SH3BP4: variants seen among roughly 807,000 people sequenced by gnomAD.
The protein encoded by SH3BP4 is SH3 domain binding protein 4.
In SH3BP4, 33 loss-of-function variants were observed where a neutral mutation model predicts 65.5. That is an observed-to-expected ratio of 0.50 (90% CI 0.38 to 0.67). SH3BP4 has a LOEUF of 0.67. Among genes scored for constraint, SH3BP4 ranks in the 30% least tolerant of loss-of-function variants. The probability of loss-of-function intolerance (pLI) is 0.00; values close to 1 mark genes in which losing one functional copy is unlikely to be tolerated. For missense variants in SH3BP4, 1,134 were observed against 1,261.4 expected (o/e 0.90, Z 1.53); for synonymous variants, 552 against 545.5 (o/e 1.01, Z -0.17).
At position 235,034,644 on chromosome 2, in the gene SH3BP4, A is replaced by AG. The variant is rs1056936296; in HGVS notation, c.-132-227_-132-226insG. On this transcript the variant is annotated intron_variant, in intron 2 of 5. Coordinates refer to ENST00000392011, the MANE Select transcript of SH3BP4 (RefSeq NM_014521.3). This position sits in a 1 kb window ranked among gnomAD's most constrained non-coding sequence, Gnocchi z 6.2. The stretch of plus-strand genomic sequence containing the variant: ...GCAGGTGCAAACAGCCGGCCAGAAA[A>AG]CACTGCTTGGGCTGTGTGTGCCCAG... Among the ~76,000 whole-genome samples the AG allele has an allele frequency of 2.0e-5, 3 of 152,174 alleles. No individual in the cohort carries two copies. The highest frequency in any genetic ancestry group is 2.9e-5 in the Non-Finnish European group (2 of 68,032).
At chr2:234,957,548 T>C (rs1002820078) in intron 1 of SH3BP4, among the ~76,000 whole-genome samples, 2 of 151,468 alleles carry the variant, frequency 1.3e-5, no homozygotes, top group African/African-American at 4.9e-5. Flanking sequence ...TGGGTACTAC[T>C]GAGTAACCGA....
chr2:235,034,506 C>A lies in SH3BP4; in HGVS notation c.-132-365C>A, dbSNP rs1695307988. Among the ~76,000 whole-genome samples the A allele has an allele frequency of 6.6e-6, 1 of 152,192 alleles. No individual in the cohort carries two copies. Among genetic ancestry groups the A allele is most frequent in the Non-Finnish European group, 1.5e-5 (1 of 68,044 alleles). On this transcript the variant is annotated intron_variant, in intron 2 of 5. Coordinates refer to ENST00000392011, the MANE Select transcript of SH3BP4 (RefSeq NM_014521.3). This position sits in a 1 kb window ranked among gnomAD's most constrained non-coding sequence, Gnocchi z 6.2. ...CCGATTTTTCCTTTTCCGAGCCCTG[C>A]AGCTAGCAGCATGAACTGTACAGTC...
intron 5 of SH3BP4, among the ~76,000 whole-genome samples, chr2:235,053,370 C>T (rs28403581): frequency 0.13 from 20,513 of 152,174 alleles, 1,644 homozygotes; most frequent in East Asian, 0.38. Context: ...TCATTTGTTG[C>T]GCACCTACTC....
chr2:235,004,751 G>A (rs750562640), intron 2 of SH3BP4, among the ~76,000 whole-genome samples: 1 of 152,208 alleles, frequency 6.6e-6, no homozygotes, highest in Admixed American at 6.5e-5. Flanking sequence ...GTATGGCTAT[G>A]TTACATTTTG....
rs1056153105 is a variant in SH3BP4, at chr2:235,042,182, T to C, written c.1413T>C (p.Asn471=). The C allele has an allele frequency of 6.2e-7, 1 of 1,614,030 alleles. No homozygotes were observed. The highest frequency in any genetic ancestry group is 2.2e-5 in the East Asian group (1 of 44,858). The stretch of plus-strand genomic sequence containing the variant: ...CTTCCACCGTGTGGGACTTCATCAA[T>C]AAAAAAGTCACAGTGGGTCTCTACG... The part of the protein sequence containing the change: ...LYPSTVWDFI[N]KKVTVGLYGP... Residue 471 remains asparagine (N), a synonymous_variant, in exon 4 of 6, where the codon AAT becomes AAC. Coordinates refer to ENST00000392011, the MANE Select transcript of SH3BP4 (RefSeq NM_014521.3). This position sits in a 1 kb window ranked among gnomAD's most constrained non-coding sequence, Gnocchi z 7.3.
At chr2:235,008,420 A>T (rs2106292320) in intron 2 of SH3BP4, 1 of 152,344 alleles carries the variant, frequency 6.6e-6, no homozygotes, top group Non-Finnish European at 1.5e-5. Flanking sequence ...CTACTCAGGA[A>T]CCATGGCGAA....
chr2:235,043,340 G>C (rs982533134), intron 4 of SH3BP4, 93 bp downstream of exon 4: 2 of 980,976 alleles, frequency 2.0e-6, no homozygotes, highest in Non-Finnish European at 3.0e-6. Context: ...CCGTGGTGTC[G>C]TAAGTCACCA....
In SH3BP4 at chr2:235,041,391, G is replaced by C; in HGVS notation, c.622G>C (p.Ala208Pro). 6.2e-7 allele frequency: 1 copy of C among 1,614,180 alleles called. No individual in the cohort carries two copies. ...ATCCTCCTTCACCGAATCCAGCTCA[G>C]CCACCACGAATAGCACTGGCAACAT... Reference protein sequence around the residue: ...GTSSFTESSSATTNSTGNIFD... With the variant: ...GTSSFTESSSPTTNSTGNIFD... Residue 208 changes from alanine (A) to proline (P), a missense_variant, in exon 4 of 6, where the codon GCC (alanine) becomes CCC (proline). By Grantham distance (27) the Ala-to-Pro change is conservative. Coordinates refer to ENST00000392011, the MANE Select transcript of SH3BP4 (RefSeq NM_014521.3). This position sits in a 1 kb window ranked among gnomAD's most constrained non-coding sequence, Gnocchi z 6.0.
intron 1 of SH3BP4, among the ~76,000 whole-genome samples, chr2:234,955,166 C>T (rs987624737): frequency 1.3e-5 from 2 of 152,128 alleles, no homozygotes; most frequent in Non-Finnish European, 2.9e-5. Flanking sequence ...GCCTGACAAC[C>T]AGGAATCCGA....
At chr2:234,953,447 C>G (rs1293817533) in intron 1 of SH3BP4, among the ~76,000 whole-genome samples, 3 of 152,154 alleles carry the variant, frequency 2.0e-5, no homozygotes, top group Non-Finnish European at 4.4e-5. Flanking sequence ...CCTACCCGGG[C>G]AGAATCTCTG....
At chr2:234,966,776 A>G (rs1391715011) in intron 1 of SH3BP4, among the ~76,000 whole-genome samples, 1 of 152,230 alleles carries the variant, frequency 6.6e-6, no homozygotes, top group African/African-American at 2.4e-5. Context: ...AACTTTGGAA[A>G]TAGTTATTTT....
At position 235,026,174 on chromosome 2, in the gene SH3BP4, G is replaced by A. The variant is rs564535716; in HGVS notation, c.-132-8697G>A. 6.6e-6 allele frequency among the ~76,000 whole-genome samples: 1 copy of A among 152,188 alleles called. No individual in the cohort carries two copies. Among genetic ancestry groups the A allele is most frequent in the South Asian group, 2.1e-4 (1 of 4,810 alleles). ...GGAGGCAGGAAAGGGAGGAGGCCAGGTAAGAAGCTCAGGCCTTGAAGAGGG... is the reference window on the plus strand; with the variant it reads ...GGAGGCAGGAAAGGGAGGAGGCCAGATAAGAAGCTCAGGCCTTGAAGAGGG... On this transcript the variant is annotated intron_variant, in intron 2 of 5. Coordinates refer to ENST00000392011, the MANE Select transcript of SH3BP4 (RefSeq NM_014521.3). The surrounding 1 kb of genome is among the most constrained non-coding windows in gnomAD (Gnocchi z 4.6).
chr2:235,027,354 G>T (rs1207659748), intron 2 of SH3BP4, among the ~76,000 whole-genome samples: 1 of 140,920 alleles, frequency 7.1e-6, no homozygotes, highest in Non-Finnish European at 1.6e-5. Context: ...CCCACCCCAG[G>T]CCCCGAAGGC....
At chr2:235,024,602 A>C (rs1033349225) in intron 2 of SH3BP4, among the ~76,000 whole-genome samples, 23 of 152,142 alleles carry the variant, frequency 1.5e-4, no homozygotes, top group Non-Finnish European at 1.8e-4. Flanking sequence ...CATTTTCATC[A>C]GGGAAAGCCC....
In SH3BP4 at chr2:235,054,011, C is replaced by CTG; in HGVS notation, c.*196_*197insGT. On this transcript the variant is annotated 3_prime_UTR_variant, in exon 6 of 6. Coordinates refer to ENST00000392011, the MANE Select transcript of SH3BP4 (RefSeq NM_014521.3). ...GGCCTGAAGGGACTGCCTACTGCAG[C>CTG]TCGTTGCCAATCACATAGCTTTCTA... The CTG allele has an allele frequency of 1.8e-6, 1 of 543,242 alleles. No individual in the cohort carries two copies. The highest frequency in any genetic ancestry group is 3.3e-6 in the Non-Finnish European group (1 of 305,018). The allele number at this position is 543,242 out of a possible 1,614,324, so 33.7% of individuals were successfully genotyped here. A position where few individuals can be genotyped will look rare whatever the true frequency, so the allele number is the denominator to read the frequency against.
chr2:235,020,574 C>G (rs1036205999), intron 2 of SH3BP4, among the ~76,000 whole-genome samples: 1 of 152,120 alleles, frequency 6.6e-6, no homozygotes, highest in Non-Finnish European at 1.5e-5. Flanking sequence ...GAAAAGGAGA[C>G]GGCATTCATG....
chr2:234,957,757 G>T (rs565592024), intron 1 of SH3BP4, among the ~76,000 whole-genome samples: 35 of 152,112 alleles, frequency 2.3e-4, no homozygotes, highest in African/African-American at 8.4e-4. Context: ...CCAGGGATGT[G>T]GTGATGAATT....
intron 2 of SH3BP4, among the ~76,000 whole-genome samples, chr2:235,015,942 G>A (rs1383332690): frequency 3.3e-5 from 5 of 152,064 alleles, no homozygotes; most frequent in Non-Finnish European, 7.4e-5. Context: ...AGGTGCAAAC[G>A]ATGGGCCTCG....
At chr2:234,970,357 C>T (rs769628863) in intron 1 of SH3BP4, among the ~76,000 whole-genome samples, 3 of 152,188 alleles carry the variant, frequency 2.0e-5, no homozygotes, top group Non-Finnish European at 2.9e-5. Flanking sequence ...CTGCTCAGGT[C>T]CTTCCCCTAG....
Sources: gnomAD v4.1 joint callset for allele counts (sites outside exome capture counted in the v4.1 genomes callset) on GRCh38, gnomAD v4.1.1 for gene constraint, Gnocchi (gnomAD v3.1) non-coding constraint, MANE v1.5 for transcripts, NCBI Gene and HGNC (gene_info 2026-07-23, HGNC 2026-07-21) for gene names.